The following PCDHGA10 variants were observed in gnomAD, a reference collection of about 807,000 sequenced individuals.
PCDHGA10 encodes the protein protocadherin gamma-A10.
In PCDHGA10, 42 loss-of-function variants were observed where a neutral mutation model predicts 59.5. The observed-to-expected ratio is 0.71, with a 90% CI of 0.55 to 0.91. The LOEUF (loss-of-function observed/expected upper bound fraction) is 0.91. Among genes scored for constraint, PCDHGA10 ranks in the 40% least tolerant of loss-of-function variants. PCDHGA10 has a pLI of 0.00. For synonymous variants in PCDHGA10, 511 were observed against 517.2 expected (o/e 0.99, Z 0.16); for missense variants, 1,111 against 1,198.2 (o/e 0.93, Z 1.07).
chr5:141,505,883 T>C (rs1225759976), intron 3 of PCDHGA10, among the ~76,000 whole-genome samples: 1 of 152,118 alleles, frequency 6.6e-6, no homozygotes, highest in East Asian at 1.9e-4. Flanking sequence ...GTTGTAGAGA[T>C]TAAATGAGAT....
Position 141,476,836 on chromosome 5 carries a change from T to G in PCDHGA10, c.2437-17971T>G. 1 of 1,613,652 alleles carries G rather than the reference T, an allele frequency of 6.2e-7. No homozygotes were observed. The highest frequency in any genetic ancestry group is 8.5e-7 in the Non-Finnish European group (1 of 1,180,042). On this transcript the variant is annotated intron_variant, in intron 1 of 3. Coordinates refer to ENST00000398610, the MANE Select transcript of PCDHGA10 (RefSeq NM_018913.3). The surrounding 1 kb of genome is among the most constrained non-coding windows in gnomAD (Gnocchi z 7.6). ...TCAAGGTGCTGGACGCGAATGACAATGCGCCTGTCTTCAACCAGTCCTTGT... is the reference window on the plus strand; with the variant it reads ...TCAAGGTGCTGGACGCGAATGACAAGGCGCCTGTCTTCAACCAGTCCTTGT...
Position 141,489,072 on chromosome 5 carries a change from AC to A in PCDHGA10, c.2437-5730del. The A allele has an allele frequency of 6.3e-6, 1 of 157,708 alleles. No individual in the cohort carries two copies. The highest frequency in any genetic ancestry group is 1.2e-5 in the Non-Finnish European group (1 of 83,994). The allele number at this position is 157,708 out of a possible 1,614,324, so 9.8% of individuals were successfully genotyped here. On this transcript the variant is annotated intron_variant, in intron 1 of 3. Coordinates refer to ENST00000398610, the MANE Select transcript of PCDHGA10 (RefSeq NM_018913.3). This position sits in a 1 kb window ranked among gnomAD's most constrained non-coding sequence, Gnocchi z 4.5. ...AATTCAGCTCCCCTCCCCCCTGCCC[AC>A]CCCCGCCACTCGGTGACTAAGAACT...
chr5:141,451,330 T>C (rs1335156581), intron 1 of PCDHGA10, among the ~76,000 whole-genome samples: 2 of 152,200 alleles, frequency 1.3e-5, no homozygotes, highest in East Asian at 1.9e-4. Context: ...CCTAAGGCTA[T>C]TGTCTTATCT....
At chr5:141,443,137 A>G (rs1202995621) in intron 1 of PCDHGA10, among the ~76,000 whole-genome samples, 1 of 152,174 alleles carries the variant, frequency 6.6e-6, no homozygotes, top group Non-Finnish European at 1.5e-5. Flanking sequence ...GAACACTATC[A>G]TAAGTTATAC....
rs2099692694 is a variant in PCDHGA10, at chr5:141,489,817, GAGCTGGTGCTAGAGCAGC to G, written c.2437-4983_2437-4966del. On this transcript the variant is annotated intron_variant, in intron 1 of 3. Transcript: ENST00000398610. This position sits in a 1 kb window ranked among gnomAD's most constrained non-coding sequence, Gnocchi z 4.5. ...CCTAAAAGATGGGAAGCCATTCCCA[GAGCTGGTGCTAGAGCAGC>G]AGCTGGATCGTGAAGCCCAGGCAAG... 6 of 1,613,992 alleles carry G rather than the reference GAGCTGGTGCTAGAGCAGC, an allele frequency of 3.7e-6. No individual in the cohort carries two copies. Among genetic ancestry groups the G allele is most frequent in the Non-Finnish European group, 5.1e-6 (6 of 1,179,944 alleles).
Position 141,413,166 on chromosome 5 carries a change from C to T in PCDHGA10, c.-10C>T, listed in dbSNP as rs758193163. ...GTGAGGACTTTGCAGAATTCTGTAA[C>T]CAGACTACAATGGCCGCTCAAAGGA... On this transcript the variant is annotated 5_prime_UTR_variant, in exon 1 of 4. Transcript: ENST00000398610. 5 of 1,590,278 alleles carry T rather than the reference C, an allele frequency of 3.1e-6. No individual in the cohort carries two copies. The East Asian group carries it at 1.1e-4, about 36-fold the overall frequency.
intron 1 of PCDHGA10, among the ~76,000 whole-genome samples, chr5:141,453,121 G>A (rs62379169): frequency 4.7e-4 from 71 of 151,818 alleles, no homozygotes; most frequent in Non-Finnish European, 8.4e-4. Flanking sequence ...GTTTTGTTTT[G>A]TTTTGTTTTT....
chr5:141,427,494 A>G (rs1220750249), intron 1 of PCDHGA10: 1 of 560,916 alleles, frequency 1.8e-6, no homozygotes, highest in Non-Finnish European at 3.4e-6. Context: ...TAAGCTTGTA[A>G]CAGATGGGAC....
intron 1 of PCDHGA10, chr5:141,433,153 A>G (rs896611410): frequency 3.1e-6 from 5 of 1,613,482 alleles, no homozygotes; most frequent in African/African-American, 2.7e-5. Flanking sequence ...GTGATTCGGT[A>G]TTTTCTAAAG....
intron 1 of PCDHGA10, chr5:141,430,753 G>C (rs1175014357): frequency 6.6e-7 from 1 of 1,504,258 alleles, no homozygotes. Context: ...TCTGGAGGAA[G>C]ATAAGAATGA....
Position 141,414,283 on chromosome 5 carries a change from G to T in PCDHGA10, c.1108G>T (p.Val370Leu). ...VTEDSPLGTV[V>L]ALLNVHDLDS... ...TGAAGATTCACCTCTGGGAACAGTC[G>T]TAGCCCTTTTAAATGTGCATGATTT... The change falls in exon 1 of 4, where the codon GTA becomes TTA. Residue 370 changes from valine (V) to leucine (L), a missense_variant. Transcript: ENST00000398610. The T allele has an allele frequency of 6.2e-7, 1 of 1,613,520 alleles. No homozygotes were observed. Among genetic ancestry groups the T allele is most frequent in the Non-Finnish European group, 8.5e-7 (1 of 1,179,726 alleles).
At position 141,477,961 on chromosome 5, in the gene PCDHGA10, C is replaced by T. The variant is rs199947431; in HGVS notation, c.2437-16846C>T. 21 of 1,614,048 alleles carry T rather than the reference C, an allele frequency of 1.3e-5. No homozygotes were observed. The Admixed American group carries it at 1.5e-4, about 12-fold the overall frequency. On this transcript the variant is annotated intron_variant, in intron 1 of 3. Coordinates refer to ENST00000398610, the MANE Select transcript of PCDHGA10 (RefSeq NM_018913.3). The surrounding 1 kb of genome is among the most constrained non-coding windows in gnomAD (Gnocchi z 4.9). Reference sequence around the variant, plus strand: ...CCTACAGTCTCTTGGGATCCCCTAACCAGAGCCTTTTTGCCATAGGGCTGC... The same window carrying T: ...CCTACAGTCTCTTGGGATCCCCTAATCAGAGCCTTTTTGCCATAGGGCTGC...
At chr5:141,506,278 G>A (rs1001662623) in intron 3 of PCDHGA10, among the ~76,000 whole-genome samples, 1 of 152,090 alleles carries the variant, frequency 6.6e-6, no homozygotes. Flanking sequence ...GTGAAACCCT[G>A]TCTCTACTAA....
rs1187459113 is a variant in PCDHGA10 at position 141,487,187 on chromosome 5, G to A, written c.2437-7620G>A. On this transcript the variant is annotated intron_variant, in intron 1 of 3. Coordinates refer to ENST00000398610, the MANE Select transcript of PCDHGA10 (RefSeq NM_018913.3). This position sits in a 1 kb window ranked among gnomAD's most constrained non-coding sequence, Gnocchi z 5.0. The stretch of plus-strand genomic sequence containing the variant: ...GTCCTTAGAGGAAGACACTCATCCA[G>A]TTGTCCCAGATCTTCGAGAATCTTC... 1.2e-6 allele frequency: 2 copies of A among 1,613,826 alleles called. No homozygotes were observed. Among genetic ancestry groups the A allele is most frequent in the Admixed American group, 3.3e-5 (2 of 60,024 alleles).
rs1488305057 is a variant in PCDHGA10, at chr5:141,477,736, C to G, written c.2437-17071C>G. 6.2e-7 allele frequency: 1 copy of G among 1,613,790 alleles called. No homozygotes were observed. The highest frequency in any genetic ancestry group is 1.1e-5 in the South Asian group (1 of 91,088). On this transcript the variant is annotated intron_variant, in intron 1 of 3. Coordinates refer to ENST00000398610, the MANE Select transcript of PCDHGA10 (RefSeq NM_018913.3). This position sits in a 1 kb window ranked among gnomAD's most constrained non-coding sequence, Gnocchi z 4.9. ...AATTTGAATTAACAGCTCATATCAG[C>G]GATGGGGGCACCCCGGTCCTAGCCA...
At chr5:141,467,901 C>T (rs1484485803) in intron 1 of PCDHGA10, among the ~76,000 whole-genome samples, 7 of 152,034 alleles carry the variant, frequency 4.6e-5, no homozygotes, top group Admixed American at 1.3e-4. Flanking sequence ...TCAAGAAATC[C>T]GCCCACCTCA....
At chr5:141,488,259 C>T (rs1594750656) in intron 1 of PCDHGA10, among the ~76,000 whole-genome samples, 1 of 152,144 alleles carries the variant, frequency 6.6e-6, no homozygotes, top group African/African-American at 2.4e-5. Context: ...AAGGTTGGGG[C>T]GGGTTGGTCA....
chr5:141,446,415 T>C (rs1275165245), intron 1 of PCDHGA10, among the ~76,000 whole-genome samples: 2 of 152,046 alleles, frequency 1.3e-5, no homozygotes, highest in African/African-American at 4.8e-5. Flanking sequence ...GTTCCAGCCA[T>C]GTTCATTTGA....
intron 1 of PCDHGA10, chr5:141,421,189 C>T: frequency 1.4e-6 from 2 of 1,477,674 alleles, no homozygotes; most frequent in South Asian, 2.7e-5. Flanking sequence ...CACAACCAAC[C>T]AGCTCGAGAA....
Sources: allele counts gnomAD v4.1 joint callset (sites outside exome capture counted in the v4.1 genomes callset), GRCh38; gene constraint gnomAD v4.1.1; non-coding constraint Gnocchi (gnomAD v3.1); transcripts MANE v1.5; gene names NCBI Gene and HGNC (gene_info 2026-07-23, HGNC 2026-07-21).